The following SATB2 variants were observed in gnomAD, a reference collection of about 807,000 sequenced individuals.
SATB2 encodes DNA-binding protein SATB2.
SATB2 carries 1 observed loss-of-function variant against 73.4 expected under a neutral mutation model. The observed-to-expected ratio is 0.01, with a 90% CI of 0.00 to 0.06. The LOEUF (loss-of-function observed/expected upper bound fraction) is 0.06, where lower values mean the gene tolerates loss of function less well. SATB2 is among the 10% of genes least tolerant of loss of function. SATB2 has a pLI of 1.00. For synonymous variants in SATB2, 397 were observed against 367.0 expected (o/e 1.08, Z -0.93); for missense variants, 459 against 945.8 (o/e 0.49, Z 6.75).
In SATB2 at chr2:199,464,058, C is replaced by T. The variant is rs906267116; in HGVS notation, c.-141+778G>A. Among the ~76,000 whole-genome samples, 18 of 152,288 alleles carry T rather than the reference C, an allele frequency of 1.2e-4. 1 individual carries two copies. Among genetic ancestry groups the T allele is most frequent in the African/African-American group, 4.1e-4 (17 of 41,572 alleles). On this transcript the variant is annotated intron_variant, in intron 1 of 11. Transcript: ENST00000260926. The surrounding 1 kb of genome is among the most constrained non-coding windows in gnomAD (Gnocchi z 6.6). ...CCAGGGACGAGGGGGGCAGTGTATCCGGCGGCCCAAACTCGTAAGGAGTGG... is the reference window on the plus strand; with the variant it reads ...CCAGGGACGAGGGGGGCAGTGTATCTGGCGGCCCAAACTCGTAAGGAGTGG...
At chr2:199,402,640 A>T (rs1211555164) in intron 3 of SATB2, among the ~76,000 whole-genome samples, 1 of 152,224 alleles carries the variant, frequency 6.6e-6, no homozygotes, top group African/African-American at 2.4e-5. Flanking sequence ...AGGGAACATG[A>T]AAGTTTCAAA....
intron 7 of SATB2, among the ~76,000 whole-genome samples, chr2:199,332,800 T>A (rs1688225821): frequency 6.6e-6 from 1 of 152,122 alleles, no homozygotes; most frequent in Non-Finnish European, 1.5e-5. Flanking sequence ...CTGGGAAACG[T>A]TATCATGACT....
Position 199,272,351 on chromosome 2 carries a change from C to T in SATB2, c.2062G>A (p.Glu688Lys). ...EHLGSAVDVA[E>K]YKDEELLTES... ...GTCAGCAGCTCCTCGTCCTTATATTCAGCCACGTCCACCGCGGAGCCCAGG... is the reference window on the plus strand; with the variant it reads ...GTCAGCAGCTCCTCGTCCTTATATTTAGCCACGTCCACCGCGGAGCCCAGG... The change falls in exon 11 of 11, where the codon GAA becomes AAA. Residue 688 changes from glutamate (E) to lysine (K), a missense_variant. Glu to Lys is a moderately conservative substitution (Grantham distance 56). This residue lies in a region of SATB2 where 13 missense variants were observed against 18.1 expected (regional missense o/e 0.72). Coordinates refer to ENST00000417098, the MANE Select transcript of SATB2 (RefSeq NM_001172509.2). This position sits in a 1 kb window ranked among gnomAD's most constrained non-coding sequence, Gnocchi z 6.7. 1 of 1,614,198 alleles carries T rather than the reference C, an allele frequency of 6.2e-7. No homozygotes were observed. Among genetic ancestry groups the T allele is most frequent in the South Asian group, 1.1e-5 (1 of 91,080 alleles).
intron 6 of SATB2, among the ~76,000 whole-genome samples, chr2:199,361,049 G>T (rs137912486): frequency 1.3e-5 from 2 of 151,842 alleles, no homozygotes; most frequent in Non-Finnish European, 1.5e-5. Flanking sequence ...GCCCTCTCCC[G>T]CTCTTGCTCT....
At chr2:199,288,162 T>C (rs1279879701) in intron 10 of SATB2, among the ~76,000 whole-genome samples, 1 of 152,226 alleles carries the variant, frequency 6.6e-6, no homozygotes, top group Non-Finnish European at 1.5e-5. Flanking sequence ...GAAGTTTCTC[T>C]CCCAAATGTC....
Position 199,464,467 on chromosome 2 carries a change from C to G in SATB2, c.-141+369G>C, listed in dbSNP as rs906714861. Among the ~76,000 whole-genome samples the G allele has an allele frequency of 6.6e-6, 1 of 151,392 alleles. No homozygotes were observed. Among genetic ancestry groups the G allele is most frequent in the African/African-American group, 2.5e-5 (1 of 40,724 alleles). ...CACACACACACACAGAGGGACTTGT[C>G]AACTATTGAGACAGCGACCCAGAAA... On this transcript the variant is annotated intron_variant, in intron 1 of 11. Coordinates refer to the SATB2 transcript ENST00000260926. This position sits in a 1 kb window ranked among gnomAD's most constrained non-coding sequence, Gnocchi z 6.6.
intron 10 of SATB2, among the ~76,000 whole-genome samples, chr2:199,300,157 T>A: frequency 6.8e-6 from 1 of 147,054 alleles, no homozygotes; most frequent in East Asian, 2.0e-4. Context: ...TTTAAGTAAG[T>A]AAAAGGAGAG....
chr2:199,310,148 C>T (rs1318804379), intron 9 of SATB2, among the ~76,000 whole-genome samples: 2 of 152,164 alleles, frequency 1.3e-5, no homozygotes, highest in Non-Finnish European at 2.9e-5. Flanking sequence ...CTTCAACTGC[C>T]GGCTGCAGCA....
chr2:199,444,201 C>T (rs991501), intron 2 of SATB2, among the ~76,000 whole-genome samples: 83,979 of 151,700 alleles, frequency 0.55, 26,467 homozygotes, highest in Non-Finnish European at 0.7. Flanking sequence ...TAAGTCTCTG[C>T]ATATAAATCT....
intron 5 of SATB2, among the ~76,000 whole-genome samples, chr2:199,376,905 T>C (rs1689620826): frequency 1.3e-5 from 2 of 152,198 alleles, no homozygotes; most frequent in East Asian, 3.9e-4. Context: ...GGTGAAATCA[T>C]GCATGCAAAA....
At chr2:199,462,834 G>A (rs1692507182), upstream of SATB2, among the ~76,000 whole-genome samples, 3 of 152,062 alleles carry the variant, frequency 2.0e-5, no homozygotes, top group Admixed American at 2.0e-4. The surrounding 1 kb of genome is among the most constrained non-coding windows in gnomAD (Gnocchi z 5.9). Flanking sequence ...TAGGCGGTGA[G>A]CCTAGCACCC....
chr2:199,429,036 GA>G (rs1691421651), intron 3 of SATB2, among the ~76,000 whole-genome samples: 1 of 143,540 alleles, frequency 7.0e-6, no homozygotes, highest in East Asian at 2.1e-4. Context: ...AAGAAAGAAA[GA>G]AAAAAACCAA....
intron 8 of SATB2, 114 bp from the exon 9 acceptor site, chr2:199,324,072 G>C (rs1436009514): frequency 3.9e-6 from 4 of 1,034,850 alleles, no homozygotes; most frequent in Admixed American, 1.7e-5. Context: ...ATTAGCTACA[G>C]AGGGACACTT....
At position 199,391,002 on chromosome 2, in the gene SATB2, T is replaced by C. The variant is rs1029158144; in HGVS notation, c.347-9182A>G. 2.6e-5 allele frequency among the ~76,000 whole-genome samples: 4 copies of C among 152,236 alleles called. No individual in the cohort carries two copies. In the East Asian group the frequency reaches 5.8e-4, roughly 22 times the overall value. On this transcript the variant is annotated intron_variant, in intron 3 of 10. Coordinates refer to ENST00000417098, the MANE Select transcript of SATB2 (RefSeq NM_001172509.2). ...ATGAAGGCAAACGTATATTCATTTA[T>C]GTTGTACATTTTTATTCATGTTCCA...
At chr2:199,465,596 C>A (rs1022630097), upstream of SATB2, among the ~76,000 whole-genome samples, 4 of 152,084 alleles carry the variant, frequency 2.6e-5, no homozygotes, top group Non-Finnish European at 5.9e-5. Flanking sequence ...TATAAAAGAC[C>A]TTTCATGAAC....
chr2:199,309,159 C>T (rs992602426), intron 9 of SATB2, among the ~76,000 whole-genome samples: 2 of 152,218 alleles, frequency 1.3e-5, no homozygotes, highest in African/African-American at 4.8e-5. Flanking sequence ...AGAATCTTTC[C>T]TCTTGTTAGA....
intron 3 of SATB2, among the ~76,000 whole-genome samples, chr2:199,426,720 A>C (rs1206389018): frequency 6.6e-6 from 1 of 151,638 alleles, no homozygotes; most frequent in Non-Finnish European, 1.5e-5. Context: ...AAGAAAAGAA[A>C]AGAAAAAGAA....
chr2:199,389,241 T>C (rs968559224), intron 3 of SATB2, among the ~76,000 whole-genome samples: 1 of 152,194 alleles, frequency 6.6e-6, no homozygotes, highest in Non-Finnish European at 1.5e-5. Context: ...TCCTTTTTAA[T>C]GCATAGTTTA....
intron 3 of SATB2, among the ~76,000 whole-genome samples, chr2:199,419,577 A>G (rs1691103810): frequency 6.6e-6 from 1 of 152,204 alleles, no homozygotes; most frequent in Non-Finnish European, 1.5e-5. Context: ...CGGGATGTCC[A>G]TGTGAAAGCA....
Sources: gnomAD v4.1 joint callset for allele counts (sites outside exome capture counted in the v4.1 genomes callset) on GRCh38, gnomAD v4.1.1 for gene constraint, gnomAD v4.1.1 regional missense constraint, Gnocchi (gnomAD v3.1) non-coding constraint, MANE v1.5 for transcripts, NCBI Gene and HGNC (gene_info 2026-07-23, HGNC 2026-07-21) for gene names.